Variants in KCND3 observed in about 807,000 individuals in gnomAD.
KCND3 encodes the protein potassium voltage-gated channel subfamily D member 3.
In KCND3, 9 loss-of-function variants were observed where a neutral mutation model predicts 51.1. The ratio of observed to expected loss-of-function variants is 0.18; its 90% CI spans 0.11 to 0.31. KCND3 has a LOEUF of 0.31. Among genes scored for constraint, KCND3 ranks in the 10% least tolerant of loss-of-function variants. The pLI is 1.00. For synonymous variants in KCND3, 349 were observed against 368.0 expected (o/e 0.95, Z 0.59); for missense variants, 526 against 903.8 (o/e 0.58, Z 5.36).
chr1:111,924,410 G>A (rs1369549407), intron 2 of KCND3, among the ~76,000 whole-genome samples: 1 of 152,208 alleles, frequency 6.6e-6, no homozygotes, highest in African/African-American at 2.4e-5. Flanking sequence ...CAGAGATGGA[G>A]CTTCATCAGG....
chr1:111,840,490 T>C (rs1417767668), intron 2 of KCND3, among the ~76,000 whole-genome samples: 2 of 136,940 alleles, frequency 1.5e-5, no homozygotes, highest in Non-Finnish European at 3.2e-5. Flanking sequence ...TGTATAGGTG[T>C]GTCTTTTTTT....
At chr1:111,899,473 C>T (rs532916363) in intron 2 of KCND3, among the ~76,000 whole-genome samples, 129 of 152,324 alleles carry the variant, frequency 8.5e-4, no homozygotes, top group African/African-American at 2.9e-3. Flanking sequence ...GGCCTTCTGC[C>T]TCTTGCTGTA....
intron 2 of KCND3, among the ~76,000 whole-genome samples, chr1:111,846,173 G>T (rs1667538691): frequency 6.6e-6 from 1 of 152,130 alleles, no homozygotes; most frequent in Non-Finnish European, 1.5e-5. Flanking sequence ...AATTAAGCTT[G>T]GTCAATAAGT....
intron 2 of KCND3, among the ~76,000 whole-genome samples, chr1:111,978,075 C>A (rs1674742045): frequency 6.6e-6 from 1 of 152,216 alleles, no homozygotes; most frequent in South Asian, 2.1e-4. Context: ...CAAGCCCTGA[C>A]AGCAGCTGGG....
At chr1:111,776,328 C>G in intron 7 of KCND3, 50 bp from the exon 8 acceptor site, 1 of 1,562,562 alleles carries the variant, frequency 6.4e-7, no homozygotes, top group Non-Finnish European at 8.8e-7. Flanking sequence ...GCCAGCGTCC[C>G]AAAGCTTCCT....
intron 2 of KCND3, among the ~76,000 whole-genome samples, chr1:111,881,857 T>C (rs1205028935): frequency 6.6e-6 from 1 of 152,210 alleles, no homozygotes; most frequent in African/African-American, 2.4e-5. Context: ...TTTTGCCTTA[T>C]CCATTCCCAT....
intron 2 of KCND3, among the ~76,000 whole-genome samples, chr1:111,962,769 C>T (rs775119906): frequency 8.5e-5 from 13 of 152,320 alleles, no homozygotes; most frequent in Middle Eastern, 3.4e-3. Context: ...TATACCACTG[C>T]GCAATGTGAT....
At chr1:111,850,885 A>G (rs985066034) in intron 2 of KCND3, among the ~76,000 whole-genome samples, 1 of 152,224 alleles carries the variant, frequency 6.6e-6, no homozygotes, top group Non-Finnish European at 1.5e-5. Context: ...TGTCTCTCAC[A>G]TGAGAAACCC....
At chr1:111,831,362 G>C (rs1448675010) in intron 2 of KCND3, among the ~76,000 whole-genome samples, 1 of 152,184 alleles carries the variant, frequency 6.6e-6, no homozygotes, top group Admixed American at 6.5e-5. Context: ...TCTCATGATA[G>C]TGAGTGAGTT....
intron 2 of KCND3, among the ~76,000 whole-genome samples, chr1:111,975,358 T>C (rs780283323): frequency 1.3e-5 from 2 of 152,186 alleles, no homozygotes; most frequent in Non-Finnish European, 2.9e-5. Flanking sequence ...GAGAAGATCT[T>C]CAGGACTGTG....
chr1:111,781,260 A>T (rs1207299500), intron 3 of KCND3, among the ~76,000 whole-genome samples: 1 of 152,216 alleles, frequency 6.6e-6, no homozygotes, highest in Non-Finnish European at 1.5e-5. Flanking sequence ...AAAAGCAAGG[A>T]GTGGGCCTAT....
intron 2 of KCND3, among the ~76,000 whole-genome samples, chr1:111,926,968 C>T (rs751642384): frequency 6.6e-6 from 1 of 152,152 alleles, no homozygotes; most frequent in Non-Finnish European, 1.5e-5. Context: ...CATTTATCTT[C>T]CCTCAAAAGG....
At chr1:111,802,650 A>G (rs1438308650) in intron 2 of KCND3, among the ~76,000 whole-genome samples, 2 of 152,246 alleles carry the variant, frequency 1.3e-5, no homozygotes, top group African/African-American at 4.8e-5. Context: ...GGTAAGCTGC[A>G]TGAGAGCAGG....
Position 111,974,492 on chromosome 1 carries a change from G to A in KCND3, c.1106+7129C>T, listed in dbSNP as rs138367535. 2.7e-4 allele frequency among the ~76,000 whole-genome samples: 41 copies of A among 152,274 alleles called. No individual in the cohort carries two copies. The East Asian group carries it at 6.8e-3, about 25-fold the overall frequency. On this transcript the variant is annotated intron_variant, in intron 2 of 7. Coordinates refer to ENST00000302127, the MANE Select transcript of KCND3 (RefSeq NM_001378969.1). ...GCAGAGCCACCTGCCTGAGGATAGC[G>A]GGTGGGAGGTGAGGAGACTCAGAGC... is the stretch of plus-strand genomic sequence containing the variant.
chr1:111,931,254 G>A (rs1163806284), intron 2 of KCND3, among the ~76,000 whole-genome samples: 5 of 152,164 alleles, frequency 3.3e-5, no homozygotes, highest in Non-Finnish European at 7.3e-5. Context: ...AATGGGAACT[G>A]GGAGAAGAGA....
chr1:111,792,475 T>C (rs1664878321), intron 2 of KCND3, among the ~76,000 whole-genome samples: 1 of 152,180 alleles, frequency 6.6e-6, no homozygotes, highest in African/African-American at 2.4e-5. Flanking sequence ...AGAGGATGGC[T>C]GTGGAAAAGG....
At chr1:111,795,123 T>G (rs2101526983) in intron 2 of KCND3, among the ~76,000 whole-genome samples, 1 of 152,274 alleles carries the variant, frequency 6.6e-6, no homozygotes, top group East Asian at 1.9e-4. Context: ...TTGTCAAGTC[T>G]CAAGGTGGGA....
At chr1:111,802,493 G>C (rs923947665) in intron 2 of KCND3, among the ~76,000 whole-genome samples, 1 of 152,210 alleles carries the variant, frequency 6.6e-6, no homozygotes, top group Non-Finnish European at 1.5e-5. Flanking sequence ...TGACTTCGGG[G>C]CAGCGACTTA....
At chr1:111,965,438 CCA>C (rs56156826) in intron 2 of KCND3, among the ~76,000 whole-genome samples, 1,349 of 72,344 alleles carry the variant, frequency 0.019, 13 homozygotes, top group African/African-American at 0.035. Context: ...GCCAGCAAAA[CCA>C]CACACACACA....
Sources: allele counts gnomAD v4.1 joint callset (sites outside exome capture counted in the v4.1 genomes callset), GRCh38; gene constraint gnomAD v4.1.1; transcripts MANE v1.5; gene names NCBI Gene and HGNC (gene_info 2026-07-23, HGNC 2026-07-21).